The following TMEM39A variants were observed in gnomAD, a reference collection of about 807,000 sequenced individuals.
The protein encoded by TMEM39A is transmembrane protein 39A.
A neutral mutation model predicts 51.9 loss-of-function variants in TMEM39A; 19 were observed. That is an observed-to-expected ratio of 0.37 (90% CI 0.26 to 0.54). The LOEUF (loss-of-function observed/expected upper bound fraction) is 0.54. Ranked by LOEUF, TMEM39A falls within the 20% of genes least tolerant of loss-of-function variation. The pLI, the probability that TMEM39A is intolerant of heterozygous loss-of-function variation, is 0.88. For missense variants in TMEM39A, 433 were observed against 590.5 expected (o/e 0.73, Z 2.76); for synonymous variants, 197 against 220.2 (o/e 0.89, Z 0.93).
chr3:119,445,454 G>A (rs1265736588), intron 5 of TMEM39A, among the ~76,000 whole-genome samples: 4 of 152,106 alleles, frequency 2.6e-5, no homozygotes, highest in South Asian at 2.1e-4. Context: ...TAGTAGAGAC[G>A]GGGTTTCGCC....
intron 3 of TMEM39A, among the ~76,000 whole-genome samples, chr3:119,456,251 G>A (rs2081261715): frequency 6.6e-6 from 1 of 151,808 alleles, no homozygotes; most frequent in Non-Finnish European, 1.5e-5. Flanking sequence ...GATGAATGAA[G>A]TACAGTTCCT....
chr3:119,437,911 T>C lies in TMEM39A; in HGVS notation c.768A>G (p.Thr256=), dbSNP rs2080995050. 1.2e-6 allele frequency: 2 copies of C among 1,614,012 alleles called. No homozygotes were observed. The highest frequency in any genetic ancestry group is 1.7e-6 in the Non-Finnish European group (2 of 1,179,950). Residue 256 remains threonine (T), a synonymous_variant, in exon 6 of 9, where the codon ACA becomes ACG. Transcript: ENST00000319172. ...ESLKEQFNNA[T]PIPTHSCPLS... is the part of the protein sequence containing the mutation. ...GGGGACAACTGTGGGTGGGGATGGGTGTGGCATTATTAAACTGTTCTTTTA... is the reference window on the plus strand; with the variant it reads ...GGGGACAACTGTGGGTGGGGATGGGCGTGGCATTATTAAACTGTTCTTTTA...
intron 5 of TMEM39A, among the ~76,000 whole-genome samples, chr3:119,440,462 C>T (rs1577052120): frequency 6.6e-6 from 1 of 152,016 alleles, no homozygotes; most frequent in East Asian, 1.9e-4. Context: ...AATGGATTAT[C>T]AGAAGACCAG....
chr3:119,447,190 C>G lies in TMEM39A; in HGVS notation c.421-18G>C, dbSNP rs957735512. 6.2e-7 allele frequency: 1 copy of G among 1,601,858 alleles called. No homozygotes were observed. The highest frequency in any genetic ancestry group is 8.5e-7 in the Non-Finnish European group (1 of 1,173,866). On this transcript the variant is annotated intron_variant, in intron 4 of 8. Transcript: ENST00000319172. ...TTAGTAGCCTGAAAGTTTGGAAGCACCAAAATGAACATTTTGTAAATGATC... is the reference window on the plus strand; with the variant it reads ...TTAGTAGCCTGAAAGTTTGGAAGCAGCAAAATGAACATTTTGTAAATGATC...
chr3:119,448,118 T>C (rs1382815779), intron 4 of TMEM39A, among the ~76,000 whole-genome samples: 10 of 152,236 alleles, frequency 6.6e-5, no homozygotes, highest in Admixed American at 5.9e-4. Context: ...CCTATATAAA[T>C]AAGTTTCTTT....
At chr3:119,439,430 A>G (rs1187637028) in intron 5 of TMEM39A, among the ~76,000 whole-genome samples, 1 of 151,884 alleles carries the variant, frequency 6.6e-6, no homozygotes, top group Admixed American at 6.6e-5. Context: ...ATAATACAAA[A>G]ATTAGCTGGG....
chr3:119,438,383 T>C (rs1422307045), intron 5 of TMEM39A, among the ~76,000 whole-genome samples: 1 of 152,226 alleles, frequency 6.6e-6, no homozygotes. Flanking sequence ...TTTTTATAAC[T>C]AGATGCACAT....
rs944820935 is a variant in TMEM39A at position 119,462,127 on chromosome 3, T to C, written c.-53A>G. On this transcript the variant is annotated 5_prime_UTR_variant, in exon 2 of 9. Transcript: ENST00000319172. ...CACCTGTAGTTGCAACCCAGGTTAA[T>C]GGTTGTCAACCAGTTTCAACTCTGA... 15 of 1,440,104 alleles carry C rather than the reference T, an allele frequency of 1.0e-5. No homozygotes were observed. Among genetic ancestry groups the C allele is most frequent in the Middle Eastern group, 1.8e-4 (1 of 5,702 alleles). The allele number at this position is 1,440,104 out of a possible 1,614,324, so 89.2% of individuals were successfully genotyped here. A position where few individuals can be genotyped will look rare whatever the true frequency, so the allele number is the denominator to read the frequency against.
chr3:119,458,279 C>A (rs769728318), intron 2 of TMEM39A, 39 bp from the exon 3 acceptor site: 77 of 1,569,332 alleles, frequency 4.9e-5, no homozygotes, highest in Non-Finnish European at 6.1e-5. Context: ...ATGGTGATAA[C>A]CTCCAGTATC....
Position 119,437,849 on chromosome 3 carries a change from A to T in TMEM39A, c.830T>A (p.Leu277Gln), listed in dbSNP as rs1183755868. ...PDLIRNEVEC[L>Q]KADFNHRIKE... ...GATTCTGTGGTTGAAATCTGCTTTC[A>T]GACATTCTACTTCATTGCGAATGAG... The change falls in exon 6 of 9, where the codon CTG becomes CAG. Residue 277 changes from leucine (L) to glutamine (Q), a missense_variant. Physicochemically the swap from Leu to Gln is moderately radical, Grantham distance 113. This residue lies in a region of TMEM39A where 223 missense variants were observed against 328.1 expected (regional missense o/e 0.68). Coordinates refer to ENST00000319172, the MANE Select transcript of TMEM39A (RefSeq NM_018266.3). The T allele has an allele frequency of 6.2e-7, 1 of 1,610,490 alleles. No individual in the cohort carries two copies. Among genetic ancestry groups the T allele is most frequent in the African/African-American group, 1.3e-5 (1 of 75,020 alleles).
intron 2 of TMEM39A, among the ~76,000 whole-genome samples, chr3:119,461,401 A>C (rs2081335286): frequency 1.3e-5 from 2 of 152,248 alleles, no homozygotes; most frequent in African/African-American, 4.8e-5. Flanking sequence ...AATTAAAATC[A>C]AGACAAGAGA....
intron 1 of TMEM39A, among the ~76,000 whole-genome samples, chr3:119,462,996 G>A (rs1482703885): frequency 6.6e-6 from 1 of 151,960 alleles, no homozygotes; most frequent in African/African-American, 2.4e-5. Flanking sequence ...ACCCAAGGAT[G>A]ACACTGGAAA....
chr3:119,437,744 TA>T lies in TMEM39A; in HGVS notation c.924+10del. ...ATCCAGGAAGCACATAAAAGTAAGA[TA>T]ACCACTTACCTTCACAAAACACAGG... is the stretch of plus-strand genomic sequence containing the variant. On this transcript the variant is annotated intron_variant, in intron 6 of 8. Transcript: ENST00000319172. 6.6e-7 allele frequency: 1 copy of T among 1,512,674 alleles called. No individual in the cohort carries two copies. Among genetic ancestry groups the T allele is most frequent in the Non-Finnish European group, 8.9e-7 (1 of 1,124,722 alleles). The allele number at this position is 1,512,674 out of a possible 1,614,324, so 93.7% of individuals were successfully genotyped here. A position where few individuals can be genotyped will look rare whatever the true frequency, so the allele number is the denominator to read the frequency against.
chr3:119,453,302 C>T (rs946108863), intron 3 of TMEM39A, among the ~76,000 whole-genome samples: 18 of 152,166 alleles, frequency 1.2e-4, no homozygotes, highest in African/African-American at 4.1e-4. Context: ...CCACAATGCA[C>T]CAGGTACTCT....
At chr3:119,450,826 C>CAAAAAAAAAAAAA (rs60326718) in intron 4 of TMEM39A, among the ~76,000 whole-genome samples, 1 of 55,898 alleles carries the variant, frequency 1.8e-5, no homozygotes, top group Non-Finnish European at 3.0e-5. Flanking sequence ...GACTCCATCT[C>CAAAAAAAAAAAAA]AAAAAAAAAA....
chr3:119,460,014 G>T (rs2081317774), intron 2 of TMEM39A, among the ~76,000 whole-genome samples: 1 of 151,386 alleles, frequency 6.6e-6, no homozygotes, highest in Non-Finnish European at 1.5e-5. Flanking sequence ...TATTCCAGCT[G>T]CTTGCTTCCC....
chr3:119,454,177 TC>T (rs1483266608), intron 3 of TMEM39A, among the ~76,000 whole-genome samples: 1 of 152,208 alleles, frequency 6.6e-6, no homozygotes, highest in Non-Finnish European at 1.5e-5. Flanking sequence ...GTTAAGAAGC[TC>T]TTGCTTTTAA....
chr3:119,446,170 C>T lies in TMEM39A; in HGVS notation c.575+848G>A, dbSNP rs7639717. On this transcript the variant is annotated intron_variant, in intron 5 of 8. Coordinates refer to ENST00000319172, the MANE Select transcript of TMEM39A (RefSeq NM_018266.3). ...TCATTCTTACAGTAAATCTTAGCAA[C>T]CTCAGCATGATTTTTCGTCTTTCCT... Among the ~76,000 whole-genome samples, 1,029 of 152,264 alleles carry T rather than the reference C, an allele frequency of 6.8e-3. 7 individuals are homozygous for T. The highest frequency in any genetic ancestry group is 0.024 in the African/African-American group (988 of 41,550).
intron 3 of TMEM39A, 96 bp from the exon 4 acceptor site, chr3:119,452,626 C>T (rs1168949959): frequency 2.3e-6 from 2 of 870,460 alleles, no homozygotes; most frequent in Non-Finnish European, 3.7e-6. Context: ...AAAAGATCTT[C>T]CTTAGATCAC....
Sources: gnomAD v4.1 joint callset for allele counts (sites outside exome capture counted in the v4.1 genomes callset) on GRCh38, gnomAD v4.1.1 for gene constraint, gnomAD v4.1.1 regional missense constraint, MANE v1.5 for transcripts, NCBI Gene and HGNC (gene_info 2026-07-23, HGNC 2026-07-21) for gene names.